The following ULK4 variants were observed in gnomAD, a reference collection of about 807,000 sequenced individuals.
ULK4 encodes inactive serine/threonine-protein kinase ULK4.
ULK4 carries 133 observed loss-of-function variants against 160.6 expected under a neutral mutation model. That is an observed-to-expected ratio of 0.83 (90% CI 0.72 to 0.96). The LOEUF is 0.96. ULK4 is among the 40% of genes least tolerant of loss of function. The probability of loss-of-function intolerance (pLI) is 0.00; values close to 1 mark genes in which losing one functional copy is unlikely to be tolerated. For missense variants in ULK4, 1,580 were observed against 1,499.5 expected (o/e 1.05, Z -0.89); for synonymous variants, 534 against 539.8 (o/e 0.99, Z 0.15).
chr3:41,767,643 T>A (rs2039211890), intron 21 of ULK4, among the ~76,000 whole-genome samples: 1 of 152,110 alleles, frequency 6.6e-6, no homozygotes, highest in Non-Finnish European at 1.5e-5. Flanking sequence ...AAAAAAGAAT[T>A]CACTTTTTTG....
intron 32 of ULK4, among the ~76,000 whole-genome samples, chr3:41,494,968 G>A (rs986341272): frequency 6.6e-6 from 1 of 151,984 alleles, no homozygotes; most frequent in Non-Finnish European, 1.5e-5. Flanking sequence ...ATGCTCATAG[G>A]TAGGAAGAAT....
Position 41,522,130 on chromosome 3 carries a change from T to C in ULK4, c.3226+43895A>G, listed in dbSNP as rs924303396. ...GGTTAAATGTTTTTTCTTTTTTTTC[T>C]TTTTTTTTTTTTTTGAGACCGAGTC... is the stretch of plus-strand genomic sequence containing the variant. On this transcript the variant is annotated intron_variant, in intron 32 of 36. Coordinates refer to ENST00000301831, the MANE Select transcript of ULK4 (RefSeq NM_017886.4). 9.5e-5 allele frequency among the ~76,000 whole-genome samples: 6 copies of C among 63,492 alleles called. No homozygotes were observed. The South Asian group carries it at 2.8e-3, about 30-fold the overall frequency. The allele number at this position is 63,492 out of a possible 152,430, so 41.7% of individuals were successfully genotyped here. A position where few individuals can be genotyped will look rare whatever the true frequency, so the allele number is the denominator to read the frequency against.
intron 32 of ULK4, among the ~76,000 whole-genome samples, chr3:41,565,165 AC>A (rs1188426823): frequency 1.3e-5 from 2 of 152,224 alleles, no homozygotes; most frequent in African/African-American, 4.8e-5. Context: ...TGTGGTATTC[AC>A]ACAATGATAA....
At chr3:41,508,973 A>C (rs2085484892) in intron 32 of ULK4, among the ~76,000 whole-genome samples, 1 of 152,118 alleles carries the variant, frequency 6.6e-6, no homozygotes, top group Admixed American at 6.5e-5. Flanking sequence ...CCAAGATGAA[A>C]TCTCTGAATT....
At chr3:41,312,838 C>CA (rs1227612105) in intron 35 of ULK4, among the ~76,000 whole-genome samples, 4 of 151,902 alleles carry the variant, frequency 2.6e-5, no homozygotes, top group Admixed American at 6.6e-5. Flanking sequence ...ATCAACCAAA[C>CA]AAAAAAACTT....
chr3:41,562,452 A>G (rs1247108067), intron 32 of ULK4, among the ~76,000 whole-genome samples: 1 of 152,084 alleles, frequency 6.6e-6, no homozygotes, highest in African/African-American at 2.4e-5. Flanking sequence ...TCTAGTATTG[A>G]CGGTAGAGTG....
Position 41,717,737 on chromosome 3 carries a change from G to C in ULK4, c.2446C>G (p.Arg816Gly), listed in dbSNP as rs757230923. The part of the protein sequence containing the change: ...LICHIVQELP[R>G]ILGDILNSLA... ...TGAGACTCCAATTTACCCAGGATTC[G>C]TGGCAGCTCCTGCACAATGTGACAG... is the stretch of plus-strand genomic sequence containing the variant. Residue 816 changes from arginine (R) to glycine (G), a missense_variant, in exon 23 of 37, where the codon CGA becomes GGA. Transcript: ENST00000301831. 1.9e-6 allele frequency: 3 copies of C among 1,611,900 alleles called. No individual in the cohort carries two copies. The highest frequency in any genetic ancestry group is 2.7e-5 in the African/African-American group (2 of 74,900).
intron 7 of ULK4, 85 bp downstream of exon 7, chr3:41,918,372 A>C (rs911202381): frequency 1.2e-6 from 1 of 835,538 alleles, no homozygotes; most frequent in Non-Finnish European, 1.8e-6. Context: ...GGAGTTATGA[A>C]TCAATAAAAG....
At chr3:41,772,952 A>G (rs1250337384) in intron 21 of ULK4, among the ~76,000 whole-genome samples, 2 of 152,260 alleles carry the variant, frequency 1.3e-5, no homozygotes, top group Non-Finnish European at 2.9e-5. Context: ...GCATATAAAC[A>G]GAACCAAAGA....
intron 35 of ULK4, among the ~76,000 whole-genome samples, chr3:41,273,327 C>T (rs1318571742): frequency 6.6e-6 from 1 of 152,162 alleles, no homozygotes; most frequent in Non-Finnish European, 1.5e-5. Flanking sequence ...CTACCCTATG[C>T]CCCAGGAACT....
chr3:41,595,418 AAT>A (rs2031627685), intron 31 of ULK4, among the ~76,000 whole-genome samples: 1 of 152,248 alleles, frequency 6.6e-6, no homozygotes, highest in African/African-American at 2.4e-5. Flanking sequence ...GGCACCTAGT[AAT>A]CCTAGAAAAG....
chr3:41,315,639 C>T (rs545194839), intron 35 of ULK4, among the ~76,000 whole-genome samples: 14 of 152,278 alleles, frequency 9.2e-5, no homozygotes, highest in African/African-American at 2.9e-4. Context: ...CTTCCCGGCT[C>T]GGCACTACAG....
chr3:41,824,537 G>A (rs1028957553), intron 18 of ULK4, among the ~76,000 whole-genome samples: 1 of 152,210 alleles, frequency 6.6e-6, no homozygotes, highest in Non-Finnish European at 1.5e-5. Flanking sequence ...CTGGCTCGGA[G>A]GGTCCTACGC....
chr3:41,350,964 A>T (rs1262726864), intron 35 of ULK4, among the ~76,000 whole-genome samples: 3 of 152,204 alleles, frequency 2.0e-5, no homozygotes, highest in Non-Finnish European at 4.4e-5. Flanking sequence ...GGACTACAGG[A>T]CCTTGTAATA....
At chr3:41,706,900 T>TATATATATAGAGAG (rs369390361) in intron 25 of ULK4, among the ~76,000 whole-genome samples, 7 of 136,444 alleles carry the variant, frequency 5.1e-5, no homozygotes, top group African/African-American at 1.8e-4. Flanking sequence ...TATATATATA[T>TATATATATAGAGAG]AGAGAGAGAG....
intron 32 of ULK4, among the ~76,000 whole-genome samples, chr3:41,527,376 T>A (rs2086155613): frequency 6.6e-6 from 1 of 152,276 alleles, no homozygotes; most frequent in Non-Finnish European, 1.5e-5. Flanking sequence ...ATGCTTACTA[T>A]GTGTGGGACA....
intron 27 of ULK4, among the ~76,000 whole-genome samples, chr3:41,686,398 T>C (rs1446656088): frequency 2.6e-5 from 4 of 152,210 alleles, no homozygotes; most frequent in African/African-American, 7.2e-5. Context: ...TGCCTTTGTG[T>C]TTAATCACCA....
At chr3:41,948,177 G>A (rs548888646) in intron 2 of ULK4, among the ~76,000 whole-genome samples, 4 of 152,214 alleles carry the variant, frequency 2.6e-5, no homozygotes, top group Non-Finnish European at 4.4e-5. Context: ...TAAGCCAGGC[G>A]CAGTGGCTCA....
chr3:41,659,738 T>C (rs1233006167), intron 30 of ULK4, among the ~76,000 whole-genome samples: 1 of 152,124 alleles, frequency 6.6e-6, no homozygotes, highest in Non-Finnish European at 1.5e-5. Flanking sequence ...AATTATCCTA[T>C]AAGATATACA....
Sources: gnomAD v4.1 joint callset for allele counts (sites outside exome capture counted in the v4.1 genomes callset) on GRCh38, gnomAD v4.1.1 for gene constraint, MANE v1.5 for transcripts, NCBI Gene and HGNC (gene_info 2026-07-23, HGNC 2026-07-21) for gene names.